The following SGCZ variants were observed in gnomAD, a reference collection of about 807,000 sequenced individuals.
SGCZ encodes sarcoglycan zeta.
Under a neutral mutation model 41.3 loss-of-function variants are expected in SGCZ, and 40 were observed. The ratio of observed to expected loss-of-function variants is 0.97; its 90% CI spans 0.75 to 1.26. The LOEUF is 1.26. Among genes scored for constraint, SGCZ ranks in the 50% most tolerant of loss-of-function variants. The probability of loss-of-function intolerance (pLI) is 0.00; values close to 1 mark genes in which losing one functional copy is unlikely to be tolerated. For missense variants in SGCZ, 552 were observed against 369.8 expected (o/e 1.49, Z -4.04); for synonymous variants, 206 against 137.5 (o/e 1.50, Z -3.49).
chr8:14,273,393 G>A (rs1436346858), intron 3 of SGCZ, among the ~76,000 whole-genome samples: 1 of 151,954 alleles, frequency 6.6e-6, no homozygotes, highest in Non-Finnish European at 1.5e-5. Flanking sequence ...TTTCTGAAAT[G>A]ACTGTTATAT....
At chr8:15,152,691 C>T (rs1799214724) in intron 1 of SGCZ, among the ~76,000 whole-genome samples, 1 of 152,172 alleles carries the variant, frequency 6.6e-6, no homozygotes, top group South Asian at 2.1e-4. Flanking sequence ...GGTTAACTTA[C>T]CTGGTCGAGA....
At chr8:14,972,053 G>T (rs556779529) in intron 1 of SGCZ, among the ~76,000 whole-genome samples, 1 of 152,190 alleles carries the variant, frequency 6.6e-6, no homozygotes, top group Admixed American at 6.5e-5. Flanking sequence ...TTCATAGAAT[G>T]AGTTGTAGTT....
chr8:14,839,700 C>T (rs764409909), intron 1 of SGCZ, among the ~76,000 whole-genome samples: 4 of 152,020 alleles, frequency 2.6e-5, no homozygotes, highest in African/African-American at 7.2e-5. Flanking sequence ...CCTTTGAGAT[C>T]GTCCAATCAC....
chr8:14,815,243 CT>C (rs35797553), intron 1 of SGCZ, among the ~76,000 whole-genome samples: 5,109 of 143,742 alleles, frequency 0.036, 197 homozygotes, highest in African/African-American at 0.1. Flanking sequence ...TCTCAATTTT[CT>C]TTTTTTTTTT....
intron 2 of SGCZ, among the ~76,000 whole-genome samples, chr8:14,380,401 G>C: frequency 6.6e-6 from 1 of 152,086 alleles, no homozygotes; most frequent in African/African-American, 2.4e-5. Flanking sequence ...GATCCATCTG[G>C]AATTTATTTT....
chr8:14,184,625 G>C (rs1804843904), intron 4 of SGCZ, among the ~76,000 whole-genome samples: 1 of 152,114 alleles, frequency 6.6e-6, no homozygotes, highest in Non-Finnish European at 1.5e-5. Context: ...CCTCACTAGA[G>C]GCATCACAGT....
At chr8:14,581,221 G>C (rs4831608) in intron 1 of SGCZ, among the ~76,000 whole-genome samples, 32,335 of 151,940 alleles carry the variant, frequency 0.21, 3,997 homozygotes, top group Non-Finnish European at 0.28. Context: ...CGATTCTCCT[G>C]CCTCAGCCAT....
intron 1 of SGCZ, among the ~76,000 whole-genome samples, chr8:15,208,972 C>G (rs9325746): frequency 0.83 from 126,564 of 151,686 alleles, 53,235 homozygotes; most frequent in Middle Eastern, 0.9. Flanking sequence ...TCATAAATTA[C>G]TGCATTTGTT....
chr8:15,091,490 T>A (rs1806151686), intron 1 of SGCZ, among the ~76,000 whole-genome samples: 1 of 152,242 alleles, frequency 6.6e-6, no homozygotes, highest in African/African-American at 2.4e-5. Context: ...TCTATATGCA[T>A]GCCTTAGGCT....
intron 1 of SGCZ, among the ~76,000 whole-genome samples, chr8:14,798,756 G>C (rs571440049): frequency 3.9e-5 from 6 of 152,006 alleles, no homozygotes; most frequent in African/African-American, 1.4e-4. Flanking sequence ...TGTAATTTAA[G>C]ACAGCATGTA....
At chr8:14,831,630 A>ATGTG (rs375068979) in intron 1 of SGCZ, among the ~76,000 whole-genome samples, 32,442 of 134,928 alleles carry the variant, frequency 0.24, 4,261 homozygotes, top group East Asian at 0.33. Flanking sequence ...ACATAGACAC[A>ATGTG]TATGTGTGTG....
intron 1 of SGCZ, among the ~76,000 whole-genome samples, chr8:14,872,659 C>A (rs1804204608): frequency 1.3e-5 from 2 of 152,084 alleles, no homozygotes; most frequent in Admixed American, 1.3e-4. Context: ...AACCTAAAGG[C>A]ACCATAGATC....
At chr8:14,145,904 G>C (rs536314304) in intron 5 of SGCZ, among the ~76,000 whole-genome samples, 38 of 152,106 alleles carry the variant, frequency 2.5e-4, no homozygotes, top group African/African-American at 8.7e-4. Context: ...AGTCAGAGGA[G>C]GCAAAAGAAT....
intron 1 of SGCZ, among the ~76,000 whole-genome samples, chr8:14,884,886 G>T (rs574617915): frequency 6.6e-6 from 1 of 152,058 alleles, no homozygotes; most frequent in Non-Finnish European, 1.5e-5. Flanking sequence ...AAACTCACTG[G>T]TTCCAAGTGT....
At chr8:14,622,126 A>G (rs1034238610) in intron 1 of SGCZ, among the ~76,000 whole-genome samples, 1 of 152,144 alleles carries the variant, frequency 6.6e-6, no homozygotes, top group Non-Finnish European at 1.5e-5. Flanking sequence ...CAGCCCTCCA[A>G]TGAGAAGAGG....
chr8:14,773,262 A>G (rs929923545), intron 1 of SGCZ, among the ~76,000 whole-genome samples: 1 of 152,174 alleles, frequency 6.6e-6, no homozygotes, highest in Admixed American at 6.6e-5. Flanking sequence ...TTCAAAGAAC[A>G]TAATGGACTT....
At chr8:14,438,630 T>A (rs923251228) in intron 2 of SGCZ, among the ~76,000 whole-genome samples, 9 of 152,028 alleles carry the variant, frequency 5.9e-5, no homozygotes, top group African/African-American at 2.2e-4. Context: ...TACTGTTGAA[T>A]AATTTGGATA....
chr8:14,688,191 G>C (rs1373113401), intron 1 of SGCZ, among the ~76,000 whole-genome samples: 1 of 152,076 alleles, frequency 6.6e-6, no homozygotes, highest in Admixed American at 6.6e-5. Context: ...AGAAGCTCTT[G>C]AGTTTAATTA....
chr8:14,878,707 C>A (rs961326454), intron 1 of SGCZ, among the ~76,000 whole-genome samples: 1 of 152,126 alleles, frequency 6.6e-6, no homozygotes, highest in African/African-American at 2.4e-5. Flanking sequence ...AGAATGATTC[C>A]TGTGGTGTCT....
Sources: gnomAD v4.1 joint callset for allele counts (sites outside exome capture counted in the v4.1 genomes callset) on GRCh38, gnomAD v4.1.1 for gene constraint, MANE v1.5 for transcripts, NCBI Gene and HGNC (gene_info 2026-07-23, HGNC 2026-07-21) for gene names.